Variants in IL1RAPL2 observed in about 807,000 individuals in gnomAD.
IL1RAPL2 encodes the protein interleukin 1 receptor accessory protein like 2.
A neutral mutation model predicts 44.1 loss-of-function variants in IL1RAPL2; 3 were observed. That is an observed-to-expected ratio of 0.07 (90% CI 0.03 to 0.18). The LOEUF (loss-of-function observed/expected upper bound fraction) is 0.18. IL1RAPL2 is among the 10% of genes least tolerant of loss of function. The pLI, the probability that IL1RAPL2 is intolerant of heterozygous loss-of-function variation, is 1.00. For synonymous variants in IL1RAPL2, 181 were observed against 178.8 expected, an observed-to-expected ratio of 1.01 and a Z score of -0.10; for missense variants, 391 against 496.4, an observed-to-expected ratio of 0.79 and a Z score of 2.02.
intron 1 of IL1RAPL2, among the ~76,000 whole-genome samples, chrX:104,632,930 G>A: frequency 9.0e-6 from 1 of 111,347 alleles, no homozygotes; most frequent in Non-Finnish European, 1.9e-5. Context: ...GTTTTCAAAG[G>A]GAATGCTTCC....
At chrX:104,726,121 A>G (rs71625082) in intron 2 of IL1RAPL2, among the ~76,000 whole-genome samples, 4 of 111,383 alleles carry the variant, frequency 3.6e-5, no homozygotes, top group African/African-American at 6.5e-5. Flanking sequence ...AGTTTTCCCA[A>G]CACCATTTAT....
intron 5 of IL1RAPL2, among the ~76,000 whole-genome samples, chrX:105,348,302 C>T (rs1211912382): frequency 1.8e-5 from 2 of 111,259 alleles, no homozygotes; most frequent in African/African-American, 6.5e-5. Flanking sequence ...AATGAGGACT[C>T]TAGAGCCAGA....
intron 1 of IL1RAPL2, among the ~76,000 whole-genome samples, chrX:104,636,399 G>T (rs1034993834): frequency 6.2e-5 from 7 of 112,388 alleles, no homozygotes; most frequent in Non-Finnish European, 1.3e-4. Flanking sequence ...AGTCTGCAGA[G>T]GTTTCTGCTG....
At chrX:104,675,404 C>T (rs1180816381) in intron 2 of IL1RAPL2, among the ~76,000 whole-genome samples, 109 of 111,563 alleles carry the variant, frequency 9.8e-4, no homozygotes, top group African/African-American at 2.9e-3. Flanking sequence ...TGTAGTTGAG[C>T]GGTTTTGATT....
chrX:105,369,417 T>C (rs1423812430), intron 5 of IL1RAPL2, among the ~76,000 whole-genome samples: 1 of 111,079 alleles, frequency 9.0e-6, no homozygotes, highest in Non-Finnish European at 1.9e-5. Context: ...CAGTGTCAAG[T>C]CATGTTATTG....
intron 6 of IL1RAPL2, among the ~76,000 whole-genome samples, chrX:105,515,980 T>G (rs185600615): frequency 7.2e-5 from 8 of 111,825 alleles, no homozygotes; most frequent in Non-Finnish European, 1.5e-4. Context: ...CACAGAAAAT[T>G]TATTCCTGAA....
intron 6 of IL1RAPL2, among the ~76,000 whole-genome samples, chrX:105,708,937 C>T (rs971518099): frequency 1.8e-5 from 2 of 112,015 alleles, no homozygotes; most frequent in Admixed American, 9.5e-5. Context: ...TTAATTCAAT[C>T]CAAATGAATT....
At chrX:104,883,802 C>A (rs1350020579) in intron 2 of IL1RAPL2, among the ~76,000 whole-genome samples, 1 of 111,636 alleles carries the variant, frequency 9.0e-6, no homozygotes, top group Non-Finnish European at 1.9e-5. Flanking sequence ...TAGGATCCCT[C>A]CTCAGACTAG....
At chrX:104,819,897 T>A (rs938606775) in intron 2 of IL1RAPL2, among the ~76,000 whole-genome samples, 2 of 111,814 alleles carry the variant, frequency 1.8e-5, no homozygotes, top group African/African-American at 6.5e-5. Flanking sequence ...CATATTATCT[T>A]GAAATGCTTT....
At chrX:105,247,508 G>A (rs1260711936) in intron 4 of IL1RAPL2, among the ~76,000 whole-genome samples, 1 of 109,946 alleles carries the variant, frequency 9.1e-6, no homozygotes, top group African/African-American at 3.3e-5. Context: ...ACTTGCTTAA[G>A]TCTAATGAAA....
intron 2 of IL1RAPL2, among the ~76,000 whole-genome samples, chrX:105,088,856 G>A (rs183601626): frequency 5.5e-4 from 61 of 111,640 alleles, no homozygotes; most frequent in Non-Finnish European, 8.1e-4. Context: ...CTAGAGTTGA[G>A]TAGCACTAGA....
rs757802661 is a variant in IL1RAPL2 at position 105,767,389 on chromosome X, G to A, written c.1789G>A (p.Val597Met). Residue 597 changes from valine (V) to methionine (M), a missense_variant, in exon 11 of 11, where the codon GTG becomes ATG. Physicochemically the swap from Val to Met is conservative, Grantham distance 21 (BLOSUM62 1). Around this residue, in one of 2 missense-constraint regions of IL1RAPL2, gnomAD observed 232 missense variants for 244.8 expected, o/e 0.95. Coordinates refer to ENST00000372582, the MANE Select transcript of IL1RAPL2 (RefSeq NM_017416.2). ...IAMTSTSATL[V>M]SSQADLPEFH... ...CATGACCAGTACTTCAGCCACTCTG[G>A]TGTCATCTCAGGCTGATCTCCCTGA... The A allele has an allele frequency of 4.3e-5, 52 of 1,209,831 alleles. No homozygotes were observed. The highest frequency in any genetic ancestry group is 5.7e-5 in the Non-Finnish European group (51 of 895,086).
intron 5 of IL1RAPL2, among the ~76,000 whole-genome samples, chrX:105,324,247 G>A (rs1759210284): frequency 9.0e-6 from 1 of 110,776 alleles, no homozygotes; most frequent in South Asian, 3.9e-4. Context: ...TACAGAGGGA[G>A]GAAGGCTTTA....
intron 6 of IL1RAPL2, among the ~76,000 whole-genome samples, chrX:105,612,183 T>C (rs146061681): frequency 0.017 from 1,846 of 111,737 alleles, 34 homozygotes; most frequent in African/African-American, 0.058. Flanking sequence ...CATGGCTCTC[T>C]GCAGCCTCAA....
chrX:105,261,544 T>G (rs1333463745), intron 4 of IL1RAPL2, among the ~76,000 whole-genome samples: 1 of 111,422 alleles, frequency 9.0e-6, no homozygotes, highest in Non-Finnish European at 1.9e-5. Context: ...TAATTTTTCG[T>G]TGAAACCCAG....
At chrX:104,881,993 A>C (rs1923082994) in intron 2 of IL1RAPL2, among the ~76,000 whole-genome samples, 1 of 112,330 alleles carries the variant, frequency 8.9e-6, no homozygotes, top group Admixed American at 9.5e-5. Context: ...ATCCAAGCTT[A>C]CCACTAAAGA....
intron 2 of IL1RAPL2, among the ~76,000 whole-genome samples, chrX:104,742,947 T>C (rs1331272387): frequency 1.8e-5 from 2 of 111,886 alleles, no homozygotes; most frequent in African/African-American, 6.5e-5. Context: ...TTTAATGCAT[T>C]TCAACACCAA....
intron 2 of IL1RAPL2, among the ~76,000 whole-genome samples, chrX:104,735,413 G>C (rs1931994804): frequency 9.0e-6 from 1 of 110,928 alleles, no homozygotes; most frequent in Non-Finnish European, 1.9e-5. Flanking sequence ...TGATGTCCAT[G>C]AATGGCAGTT....
At chrX:105,078,227 C>T (rs192330644) in intron 2 of IL1RAPL2, among the ~76,000 whole-genome samples, 4,310 of 111,465 alleles carry the variant, frequency 0.039, 96 homozygotes, top group Non-Finnish European at 0.06. Flanking sequence ...GATGTCCTTT[C>T]TGTTTGTCAG....
Sources: gnomAD v4.1 joint callset for allele counts (sites outside exome capture counted in the v4.1 genomes callset) on GRCh38, gnomAD v4.1.1 for gene constraint, gnomAD v4.1.1 regional missense constraint, MANE v1.5 for transcripts, NCBI Gene and HGNC (gene_info 2026-07-23, HGNC 2026-07-21) for gene names.